The following PRPF18 variants were observed in gnomAD, a reference collection of about 807,000 sequenced individuals.
PRPF18 encodes the protein pre-mRNA processing factor 18.
In PRPF18, 38 loss-of-function variants were observed where a neutral mutation model predicts 46.5. The ratio of observed to expected loss-of-function variants is 0.82; its 90% CI spans 0.63 to 1.07. The LOEUF (loss-of-function observed/expected upper bound fraction) is 1.07, where lower values mean the gene tolerates loss of function less well. Ranked by LOEUF, PRPF18 falls within the 50% of genes least tolerant of loss-of-function variation. PRPF18 has a pLI of 0.00. For synonymous variants in PRPF18, 152 were observed against 146.7 expected (o/e 1.04, Z -0.26); for missense variants, 263 against 410.0 (o/e 0.64, Z 3.10).
the PRPF18 span, chr10:13,642,041 G>A: frequency 9.9e-6 from 1 of 100,796 alleles, no homozygotes; most frequent in Admixed American, 1.1e-4. Context: ...AGGTTCTTCA[G>A]CTTTGCTGGA....
chr10:13,589,781 T>A (rs1435856613), intron 1 of PRPF18, among the ~76,000 whole-genome samples: 1 of 152,186 alleles, frequency 6.6e-6, no homozygotes, highest in East Asian at 1.9e-4. Flanking sequence ...GTTCTTAGCT[T>A]GGTAAATGGC....
At chr10:13,653,032 C>T in the PRPF18 span, 1 of 151,634 alleles carries the variant, frequency 6.6e-6, no homozygotes, top group Non-Finnish European at 1.5e-5. Context: ...TTCCTCTGAG[C>T]CTCATCTATG....
chr10:13,636,234 C>T, the PRPF18 span, among the ~76,000 whole-genome samples: 1 of 152,124 alleles, frequency 6.6e-6, no homozygotes, highest in Non-Finnish European at 1.5e-5. Flanking sequence ...CCAGCCTGGG[C>T]AACATGGTGA....
At chr10:13,604,353 A>ATGC (rs2080155758) in intron 3 of PRPF18, among the ~76,000 whole-genome samples, 1 of 152,206 alleles carries the variant, frequency 6.6e-6, no homozygotes, top group African/African-American at 2.4e-5. Context: ...TTCCTTTTTA[A>ATGC]AATGACATAC....
At chr10:13,619,188 T>C (rs113549176) in intron 9 of PRPF18, among the ~76,000 whole-genome samples, 5,677 of 152,316 alleles carry the variant, frequency 0.037, 320 homozygotes, top group African/African-American at 0.12. Context: ...ATTGCCTGAC[T>C]GGCCACGGAC....
chr10:13,627,555 A>T (rs2080526252), intron 9 of PRPF18, among the ~76,000 whole-genome samples: 1 of 152,214 alleles, frequency 6.6e-6, no homozygotes. Context: ...ATTTGTTTCC[A>T]TCTGGAAAAT....
the PRPF18 span, chr10:13,655,412 G>A: frequency 6.6e-6 from 1 of 152,140 alleles, no homozygotes; most frequent in Admixed American, 6.6e-5. Context: ...ATCTTCCTGG[G>A]GAGTCAATGG....
chr10:13,627,306 G>A lies in PRPF18; in HGVS notation c.949-2954G>A, dbSNP rs556301279. Among the ~76,000 whole-genome samples the A allele has an allele frequency of 2.0e-5, 3 of 152,124 alleles. No homozygotes were observed. The South Asian group carries it at 6.2e-4, about 32-fold the overall frequency. On this transcript the variant is annotated intron_variant, in intron 9 of 9. Transcript: ENST00000378572. ...ACCACAATTCGATCTCAGGAGGGTG[G>A]GATTTTTTCTGGCTTCTTCGCTACT...
At chr10:13,612,769 C>T (rs1218168739) in intron 6 of PRPF18, among the ~76,000 whole-genome samples, 1 of 151,770 alleles carries the variant, frequency 6.6e-6, no homozygotes, top group African/African-American at 2.4e-5. Context: ...ACCACCATGC[C>T]CAGCTAATTT....
chr10:13,613,420 A>G (rs946514875), intron 6 of PRPF18, among the ~76,000 whole-genome samples: 1 of 140,690 alleles, frequency 7.1e-6, no homozygotes, highest in South Asian at 2.2e-4. Flanking sequence ...TTTTATGTAT[A>G]TAATACAAAT....
intron 8 of PRPF18, 65 bp from the exon 9 acceptor site, chr10:13,616,333 C>T: frequency 6.8e-7 from 1 of 1,467,302 alleles, no homozygotes; most frequent in East Asian, 2.3e-5. Flanking sequence ...GAAATACTTT[C>T]AGTAAGAATT....
At chr10:13,633,580 C>T (rs1049789091), downstream of PRPF18, among the ~76,000 whole-genome samples, 9 of 152,170 alleles carry the variant, frequency 5.9e-5, 1 homozygote, top group African/African-American at 2.2e-4. Context: ...CCCCCGCCTA[C>T]CCTGCCCCAC....
chr10:13,590,620 C>CA (rs35395677), intron 1 of PRPF18, among the ~76,000 whole-genome samples: 4,189 of 84,268 alleles, frequency 0.05, 222 homozygotes, highest in African/African-American at 0.15. Flanking sequence ...GACTCCATCT[C>CA]AAAAAAAAAA....
At chr10:13,618,511 A>C (rs1330407539) in intron 9 of PRPF18, among the ~76,000 whole-genome samples, 2 of 150,018 alleles carry the variant, frequency 1.3e-5, no homozygotes, top group East Asian at 4.0e-4. Flanking sequence ...CTGTAGTCCT[A>C]GCTACCGGAG....
At chr10:13,634,292 C>T (rs572818397), downstream of PRPF18, among the ~76,000 whole-genome samples, 1 of 152,318 alleles carries the variant, frequency 6.6e-6, no homozygotes, top group African/African-American at 2.4e-5. Flanking sequence ...TGTTGAGTCT[C>T]TTCTTCCCTC....
chr10:13,611,998 G>A (rs1006678077), intron 6 of PRPF18, among the ~76,000 whole-genome samples: 3 of 151,424 alleles, frequency 2.0e-5, no homozygotes, highest in African/African-American at 7.3e-5. Flanking sequence ...TCCTGCCTCA[G>A]CCTCCTGAGT....
the PRPF18 span, chr10:13,649,543 A>T: frequency 6.8e-6 from 1 of 146,762 alleles, no homozygotes; most frequent in Non-Finnish European, 1.5e-5. Context: ...CCTCTGAGAA[A>T]ATGAAGCTGG....
intron 4 of PRPF18, among the ~76,000 whole-genome samples, chr10:13,609,538 G>C (rs1414802794): frequency 6.6e-6 from 1 of 152,134 alleles, no homozygotes; most frequent in Non-Finnish European, 1.5e-5. Context: ...TGAACCATAT[G>C]TGCATAAAAT....
the PRPF18 span, chr10:13,640,346 C>G: frequency 6.6e-6 from 1 of 152,112 alleles, no homozygotes. Context: ...TGGTCTTGGT[C>G]CGAGATATAA....
Sources: gnomAD v4.1 joint callset for allele counts (sites outside exome capture counted in the v4.1 genomes callset) on GRCh38, gnomAD v4.1.1 for gene constraint, MANE v1.5 for transcripts, NCBI Gene and HGNC (gene_info 2026-07-23, HGNC 2026-07-21) for gene names.